The following DLG2 variants were observed in gnomAD, a reference collection of about 807,000 sequenced individuals.
DLG2 encodes the protein disks large homolog 2.
Under a neutral mutation model 132.5 loss-of-function variants are expected in DLG2, and 45 were observed. The ratio of observed to expected loss-of-function variants is 0.34; its 90% CI spans 0.27 to 0.44. The LOEUF (loss-of-function observed/expected upper bound fraction) is 0.44. Among genes scored for constraint, DLG2 ranks in the 20% least tolerant of loss-of-function variants. The probability of loss-of-function intolerance (pLI) is 1.00; values close to 1 mark genes in which losing one functional copy is unlikely to be tolerated. For missense variants in DLG2, 1,045 were observed against 1,196.9 expected, an observed-to-expected ratio of 0.87 and a Z score of 1.87; for synonymous variants, 424 against 419.6, an observed-to-expected ratio of 1.01 and a Z score of -0.13.
At chr11:85,030,094 C>T (rs559954508) in intron 6 of DLG2, among the ~76,000 whole-genome samples, 15 of 152,340 alleles carry the variant, frequency 9.8e-5, no homozygotes, top group African/African-American at 3.6e-4. Context: ...GCGGGGAAGG[C>T]TGCCCACTTC....
chr11:85,156,357 T>C (rs1037992380), intron 4 of DLG2, among the ~76,000 whole-genome samples: 1 of 152,196 alleles, frequency 6.6e-6, no homozygotes, highest in Admixed American at 6.5e-5. Flanking sequence ...GTCTCTAGAA[T>C]AAATACATAT....
At chr11:83,551,816 A>G (rs1331995736) in intron 19 of DLG2, among the ~76,000 whole-genome samples, 1 of 152,188 alleles carries the variant, frequency 6.6e-6, no homozygotes, top group Admixed American at 6.6e-5. Context: ...ATGAGATAAT[A>G]TTCATTTAAA....
intron 3 of DLG2, among the ~76,000 whole-genome samples, chr11:85,444,899 T>C: frequency 6.6e-6 from 1 of 152,234 alleles, no homozygotes; most frequent in East Asian, 1.9e-4. Flanking sequence ...GCAAAAACTG[T>C]ACTTGCCAGA....
chr11:84,197,596 A>G (rs2096538831), intron 8 of DLG2, among the ~76,000 whole-genome samples: 1 of 152,222 alleles, frequency 6.6e-6, no homozygotes, highest in Admixed American at 6.5e-5. Context: ...AAGGTGCCTA[A>G]GCAGAAGGTA....
At chr11:85,156,498 G>C (rs182760035) in intron 4 of DLG2, among the ~76,000 whole-genome samples, 15 of 152,310 alleles carry the variant, frequency 9.8e-5, no homozygotes, top group Admixed American at 8.5e-4. Flanking sequence ...TACCCAGGTA[G>C]CCTCTGTATC....
chr11:84,703,857 G>GATATAT (rs5793132), intron 6 of DLG2, among the ~76,000 whole-genome samples: 10,568 of 102,432 alleles, frequency 0.1, 660 homozygotes, highest in Admixed American at 0.15. Flanking sequence ...ATGTAGTGAA[G>GATATAT]ATATATATAT....
At chr11:83,951,604 G>T (rs7117345) in intron 14 of DLG2, among the ~76,000 whole-genome samples, 33,426 of 151,988 alleles carry the variant, frequency 0.22, 5,734 homozygotes, top group African/African-American at 0.48. Context: ...GCAGAAGGAG[G>T]GGCAAGCACA....
intron 4 of DLG2, among the ~76,000 whole-genome samples, chr11:85,168,091 C>T (rs973211433): frequency 1.3e-5 from 2 of 152,068 alleles, no homozygotes; most frequent in African/African-American, 4.8e-5. Flanking sequence ...AAAGTGTCCA[C>T]CTTATTTGTT....
intron 3 of DLG2, among the ~76,000 whole-genome samples, chr11:85,303,496 T>A (rs1408132442): frequency 1.3e-5 from 2 of 152,230 alleles, no homozygotes; most frequent in Non-Finnish European, 1.5e-5. Flanking sequence ...TTATATGCAA[T>A]GTACACATAC....
At chr11:84,751,692 C>T (rs1054560120) in intron 6 of DLG2, among the ~76,000 whole-genome samples, 3 of 152,108 alleles carry the variant, frequency 2.0e-5, no homozygotes, top group African/African-American at 7.2e-5. Flanking sequence ...TCCTGATATC[C>T]TTAAATCAAC....
chr11:84,383,441 T>A (rs2098756013), intron 7 of DLG2, among the ~76,000 whole-genome samples: 1 of 152,146 alleles, frequency 6.6e-6, no homozygotes, highest in African/African-American at 2.4e-5. Flanking sequence ...TGATGGGATG[T>A]CACCCTCTTT....
At chr11:84,230,647 A>G (rs1209831147) in intron 8 of DLG2, among the ~76,000 whole-genome samples, 1 of 152,190 alleles carries the variant, frequency 6.6e-6, no homozygotes, top group Non-Finnish European at 1.5e-5. Flanking sequence ...TGAATACATG[A>G]TCAACTCCAT....
At chr11:85,030,610 C>A (rs1454728742) in intron 6 of DLG2, among the ~76,000 whole-genome samples, 1 of 152,026 alleles carries the variant, frequency 6.6e-6, no homozygotes, top group African/African-American at 2.4e-5. Flanking sequence ...AAGAAAGTTC[C>A]CTTTACTCCT....
At chr11:84,922,948 G>T in intron 6 of DLG2, 1 of 1,157,178 alleles carries the variant, frequency 8.6e-7, no homozygotes, top group Non-Finnish European at 1.3e-6. Flanking sequence ...CAAAGCCTTT[G>T]CAACCACCTG....
At chr11:85,174,051 A>G (rs545438899) in intron 4 of DLG2, among the ~76,000 whole-genome samples, 2 of 152,344 alleles carry the variant, frequency 1.3e-5, no homozygotes, top group East Asian at 3.9e-4. Context: ...TGTCAATGTT[A>G]GACAGATCAC....
At chr11:85,002,161 A>AT (rs552434612) in intron 6 of DLG2, among the ~76,000 whole-genome samples, 74 of 151,510 alleles carry the variant, frequency 4.9e-4, no homozygotes, top group African/African-American at 1.3e-3. Flanking sequence ...CACAGGTGTG[A>AT]TTTTTTTTTC....
Position 85,069,283 on chromosome 11 carries a change from G to A in DLG2, c.357+42378C>T, listed in dbSNP as rs931679253. Among the ~76,000 whole-genome samples, 11 of 151,894 alleles carry A rather than the reference G, an allele frequency of 7.2e-5. No homozygotes were observed. The East Asian group carries it at 1.2e-3, about 16-fold the overall frequency. On this transcript the variant is annotated intron_variant, in intron 6 of 27. Coordinates refer to ENST00000376104, the MANE Select transcript of DLG2 (RefSeq NM_001142699.3). ...TAAAACACCAAAAGCAATGGCAACA[G>A]AAGCCAAAATTGACAAATGGGATCT...
chr11:83,682,479 C>T (rs2078995976), intron 18 of DLG2: 1 of 976,738 alleles, frequency 1.0e-6, no homozygotes, highest in Non-Finnish European at 1.2e-6. Context: ...CCACTATTAA[C>T]CAATAAGATG....
intron 9 of DLG2, among the ~76,000 whole-genome samples, chr11:84,161,808 G>A (rs1439154086): frequency 6.6e-6 from 1 of 152,116 alleles, no homozygotes; most frequent in Non-Finnish European, 1.5e-5. Flanking sequence ...AAATCATATA[G>A]CTTGTCTTGG....
Sources: allele counts gnomAD v4.1 joint callset (sites outside exome capture counted in the v4.1 genomes callset), GRCh38; gene constraint gnomAD v4.1.1; transcripts MANE v1.5; gene names NCBI Gene and HGNC (gene_info 2026-07-23, HGNC 2026-07-21).